The following ACVR1B variants were observed in gnomAD, a reference collection of about 807,000 sequenced individuals.
ACVR1B encodes activin receptor type-1B.
A neutral mutation model predicts 55.6 loss-of-function variants in ACVR1B; 15 were observed. The observed-to-expected ratio is 0.27, with a 90% CI of 0.18 to 0.42. The LOEUF is 0.42. Ranked by LOEUF, ACVR1B falls within the 10% of genes least tolerant of loss-of-function variation. The pLI, the probability that ACVR1B is intolerant of heterozygous loss-of-function variation, is 1.00. For missense variants in ACVR1B, 359 were observed against 670.1 expected, an observed-to-expected ratio of 0.54 and a Z score of 5.13; for synonymous variants, 247 against 254.6, an observed-to-expected ratio of 0.97 and a Z score of 0.28.
At chr12:51,973,551 T>C (rs1168358555) in intron 1 of ACVR1B, among the ~76,000 whole-genome samples, 1 of 152,154 alleles carries the variant, frequency 6.6e-6, no homozygotes, top group African/African-American at 2.4e-5. Flanking sequence ...ACAAAGGTAT[T>C]TGGAAGGGAA....
At chr12:51,968,070 A>C (rs150418479) in intron 1 of ACVR1B, among the ~76,000 whole-genome samples, 1 of 152,202 alleles carries the variant, frequency 6.6e-6, no homozygotes, top group Admixed American at 6.5e-5. Context: ...CCCGGTCTCT[A>C]CTGAAAATAC....
Position 51,975,392 on chromosome 12 carries a change from G to A in ACVR1B, c.219G>A (p.Val73=), listed in dbSNP as rs758937576. 4 of 1,614,188 alleles carry A rather than the reference G, an allele frequency of 2.5e-6. No individual in the cohort carries two copies. The Admixed American group carries it at 5.0e-5, about 20-fold the overall frequency. Residue 73 remains valine (V), a synonymous_variant, in exon 2 of 9, where the codon GTG becomes GTA. Transcript: ENST00000257963. Reference sequence around the variant, plus strand: ...ATGTGCGCACCTGCATCCCCAAAGTGGAGCTGGTCCCTGCCGGGAAGCCCT... The same window carrying A: ...ATGTGCGCACCTGCATCCCCAAAGTAGAGCTGGTCCCTGCCGGGAAGCCCT... The part of the protein sequence containing the change: ...EHHVRTCIPK[V]ELVPAGKPFY...
At chr12:51,976,295 A>G (rs1300142650) in intron 2 of ACVR1B, 32 bp from the exon 3 acceptor site, 2 of 1,611,716 alleles carry the variant, frequency 1.2e-6, no homozygotes, top group East Asian at 2.2e-5. Flanking sequence ...TTTACTTCTC[A>G]TTCTTTCCCT....
chr12:51,984,227 G>A (rs1942036349), intron 5 of ACVR1B, 61 bp downstream of exon 5: 1 of 1,571,508 alleles, frequency 6.4e-7, no homozygotes, highest in Non-Finnish European at 8.7e-7. Context: ...GCAGTGTCCT[G>A]ATTTAGTTCC....
At chr12:51,984,383 C>G (rs961494842) in intron 5 of ACVR1B, among the ~76,000 whole-genome samples, 2 of 152,096 alleles carry the variant, frequency 1.3e-5, no homozygotes, top group Non-Finnish European at 2.9e-5. Context: ...CCTCAGGAAC[C>G]CTATAATATC....
At chr12:51,974,577 G>T (rs907557529) in intron 1 of ACVR1B, among the ~76,000 whole-genome samples, 5 of 152,250 alleles carry the variant, frequency 3.3e-5, no homozygotes, top group African/African-American at 1.2e-4. Context: ...GGCCTTTCAG[G>T]ATGGGTTAAA....
At chr12:51,993,836 G>T in intron 8 of ACVR1B, 149 bp from the exon 9 acceptor site, 1 of 443,600 alleles carries the variant, frequency 2.3e-6, no homozygotes. Context: ...GAGCCTTGCA[G>T]AGCATTTCCC....
chr12:51,996,215 TCTGAGCCCCCTTC>T lies in ACVR1B; in HGVS notation c.*2109_*2121del, dbSNP rs1263573314. 1 of 152,340 alleles carries T rather than the reference TCTGAGCCCCCTTC, an allele frequency of 6.6e-6. No individual in the cohort carries two copies. Among genetic ancestry groups the T allele is most frequent in the Non-Finnish European group, 1.5e-5 (1 of 68,068 alleles). 9.4% of individuals were successfully genotyped at this position (152,340 alleles called of 1,614,324 possible). On this transcript the variant is annotated 3_prime_UTR_variant, in exon 9 of 9. Transcript: ENST00000257963. ...TGAGACCTCAAATCACTGCATTCATTCTGAGCCCCCTTCCTGTCCCCAGGGGAGGTGTATTGTG... is the reference window on the plus strand; with the variant it reads ...TGAGACCTCAAATCACTGCATTCATTCTGTCCCCAGGGGAGGTGTATTGTG...
chr12:51,969,874 C>T (rs1386832287), intron 1 of ACVR1B, among the ~76,000 whole-genome samples: 3 of 151,986 alleles, frequency 2.0e-5, no homozygotes, highest in East Asian at 3.9e-4. Flanking sequence ...CCAGCCTGGG[C>T]AACATAGCAA....
chr12:51,992,944 A>G (rs1942222340), intron 8 of ACVR1B, among the ~76,000 whole-genome samples: 1 of 152,228 alleles, frequency 6.6e-6, no homozygotes, highest in Admixed American at 6.5e-5. Context: ...CTAAGTGCTC[A>G]TGGGCCTCCT....
At chr12:51,961,536 C>G (rs1378725816) in intron 1 of ACVR1B, among the ~76,000 whole-genome samples, 1 of 152,146 alleles carries the variant, frequency 6.6e-6, no homozygotes, top group Non-Finnish European at 1.5e-5. Context: ...TGAACTTGAT[C>G]TCTCAACCTC....
At chr12:51,958,764 G>T (rs1354020120) in intron 1 of ACVR1B, among the ~76,000 whole-genome samples, 2 of 152,202 alleles carry the variant, frequency 1.3e-5, no homozygotes, top group Non-Finnish European at 2.9e-5. Context: ...CCACTCCTAT[G>T]AGAATCTAAT....
At chr12:51,986,289 G>A (rs902470189) in intron 6 of ACVR1B, among the ~76,000 whole-genome samples, 8 of 152,068 alleles carry the variant, frequency 5.3e-5, no homozygotes, top group Admixed American at 4.6e-4. Context: ...ATGGAGTTTC[G>A]CTCTTGTTGC....
chr12:51,985,250 T>C lies in ACVR1B; in HGVS notation c.1038T>C (p.Asn346=). 1 of 1,613,922 alleles carries C rather than the reference T, an allele frequency of 6.2e-7. No individual in the cohort carries two copies. The highest frequency in any genetic ancestry group is 8.5e-7 in the Non-Finnish European group (1 of 1,179,922). ...LKSKNILVKK[N]GMCAIADLGL... ...CAAAGAACATTCTGGTGAAGAAAAA[T>C]GGCATGTGTGCCATAGCAGACCTGG... The change falls in exon 6 of 9, where the codon AAT becomes AAC. Residue 346 remains asparagine, a synonymous_variant. Coordinates refer to ENST00000257963, the MANE Select transcript of ACVR1B (RefSeq NM_004302.5).
At chr12:51,990,556 T>A (rs1942171144) in intron 7 of ACVR1B, among the ~76,000 whole-genome samples, 1 of 152,170 alleles carries the variant, frequency 6.6e-6, no homozygotes, top group Non-Finnish European at 1.5e-5. Flanking sequence ...GTTCAAGCAA[T>A]CCTTCCACCT....
chr12:51,992,251 T>TATA lies in ACVR1B; in HGVS notation c.1392+258_1392+259insATA, dbSNP rs1477872135. ...CTGGTGTGGTGGCATAGGCCTGTAA[T>TATA]CGTAGCGCTTTGAGAGGCTGAGGCA... On this transcript the variant is annotated intron_variant, in intron 8 of 8. Coordinates refer to ENST00000257963, the MANE Select transcript of ACVR1B (RefSeq NM_004302.5). The TATA allele has an allele frequency of 1.4e-5, 7 of 512,096 alleles. No homozygotes were observed. In the East Asian group the frequency reaches 2.2e-4, roughly 16 times the overall value. The allele number at this position is 512,096 out of a possible 1,614,324, so 31.7% of individuals were successfully genotyped here. A position where few individuals can be genotyped will look rare whatever the true frequency, so the allele number is the denominator to read the frequency against.
At chr12:51,962,512 C>CT (rs1004164198) in intron 1 of ACVR1B, among the ~76,000 whole-genome samples, 4 of 151,890 alleles carry the variant, frequency 2.6e-5, no homozygotes, top group Non-Finnish European at 5.9e-5. Flanking sequence ...TAACTTGGGT[C>CT]TTTTTTTCTT....
At chr12:51,989,948 G>A (rs1386453390) in intron 7 of ACVR1B, among the ~76,000 whole-genome samples, 2 of 152,030 alleles carry the variant, frequency 1.3e-5, no homozygotes, top group Non-Finnish European at 2.9e-5. Flanking sequence ...TCGTGCCACT[G>A]CACTCCAGCC....
intron 1 of ACVR1B, among the ~76,000 whole-genome samples, chr12:51,969,980 GT>G (rs1941716747): frequency 6.6e-6 from 1 of 152,318 alleles, no homozygotes; most frequent in Admixed American, 6.5e-5. Context: ...CCAATATGAA[GT>G]AAGGAATTCA....
Sources: gnomAD v4.1 joint callset for allele counts (sites outside exome capture counted in the v4.1 genomes callset) on GRCh38, gnomAD v4.1.1 for gene constraint, MANE v1.5 for transcripts, NCBI Gene and HGNC (gene_info 2026-07-23, HGNC 2026-07-21) for gene names.